TNFRSF10A: variants seen among roughly 807,000 people sequenced by gnomAD.
TNFRSF10A encodes the protein TNF receptor superfamily member 10a, also known as tumor necrosis factor receptor superfamily member 10A.
Under a neutral mutation model 42.8 loss-of-function variants are expected in TNFRSF10A, and 44 were observed. The ratio of observed to expected loss-of-function variants is 1.03; its 90% confidence interval spans 0.81 to 1.32. The LOEUF (loss-of-function observed/expected upper bound fraction) is 1.32, where lower values mean the gene tolerates loss of function less well. Among genes scored for constraint, TNFRSF10A ranks in the 40% most tolerant of loss-of-function variants. The pLI, the probability that TNFRSF10A is intolerant of heterozygous loss-of-function variation, is 0.00. For synonymous variants in TNFRSF10A, 259 were observed against 234.2 expected (o/e 1.11, Z -0.97); for missense variants, 680 against 602.0 (o/e 1.13, Z -1.36).
In TNFRSF10A at chr8:23,212,199, G is replaced by A; in HGVS notation, c.320C>T (p.Ser107Leu). 6.2e-7 allele frequency: 1 copy of A among 1,613,502 alleles called. No homozygotes were observed. The highest frequency in any genetic ancestry group is 1.3e-5 in the African/African-American group (1 of 75,020). The change falls in exon 2 of 10, where the codon TCA (serine) becomes TTA (leucine). Residue 107 changes from serine (S) to leucine (L), a missense_variant. Coordinates refer to ENST00000221132, the MANE Select transcript of TNFRSF10A (RefSeq NM_003844.4). ...ATCATGAAGTTTGATGGTTGCAGCT[G>A]AGCTAGGTACGACCTGTGGGGACAA... ...VGVLLQVVPS[S>L]AATIKLHDQS... is the part of the protein sequence containing the mutation.
intron 1 of TNFRSF10A, among the ~76,000 whole-genome samples, chr8:23,217,868 C>A (rs566022414): frequency 6.6e-6 from 1 of 152,320 alleles, no homozygotes; most frequent in Admixed American, 6.5e-5. Context: ...CCATCAATAA[C>A]CCGAGTCACG....
intron 9 of TNFRSF10A, among the ~76,000 whole-genome samples, chr8:23,196,515 C>T (rs140448807): frequency 2.0e-5 from 3 of 152,010 alleles, no homozygotes; most frequent in African/African-American, 7.3e-5. Flanking sequence ...ACATTTTATC[C>T]CTACTATATA....
chr8:23,193,694 A>G (rs1800784504), intron 9 of TNFRSF10A, among the ~76,000 whole-genome samples: 2 of 152,152 alleles, frequency 1.3e-5, no homozygotes, highest in African/African-American at 4.8e-5. Flanking sequence ...AACCTAACCA[A>G]TGGAGAGAGG....
chr8:23,196,286 C>T (rs541144228), intron 9 of TNFRSF10A, among the ~76,000 whole-genome samples: 45 of 152,204 alleles, frequency 3.0e-4, no homozygotes, highest in South Asian at 2.1e-3. Flanking sequence ...CTCTGCCTCC[C>T]GGGTTCATGC....
intron 9 of TNFRSF10A, among the ~76,000 whole-genome samples, chr8:23,194,642 C>G (rs1370502521): frequency 1.3e-5 from 2 of 152,092 alleles, no homozygotes; most frequent in African/African-American, 2.4e-5. Flanking sequence ...CTTAGGTGAG[C>G]ACCTGATGTT....
intron 1 of TNFRSF10A, among the ~76,000 whole-genome samples, chr8:23,222,972 G>C (rs1463339485): frequency 1.3e-5 from 2 of 152,204 alleles, no homozygotes; most frequent in Admixed American, 6.5e-5. Context: ...GGCCTCACCA[G>C]AGGCAGATGC....
intron 7 of TNFRSF10A, 129 bp from the exon 8 acceptor site, chr8:23,199,577 C>T: frequency 1.7e-6 from 2 of 1,155,730 alleles, no homozygotes; most frequent in Non-Finnish European, 2.4e-6. Flanking sequence ...ATGCTCAGCA[C>T]ATCCAGGACC....
rs1266267888 is a variant in TNFRSF10A at position 23,191,792 on chromosome 8, C to G, written c.1309G>C (p.Glu437Gln). ...TLLDALERME[E>Q]RHAREKIQDL... ...TGAATCTTCTCTCTTGCATGTCTCT[C>G]TTCCATCCTCTCCAAGGCATCCAGC... The change falls in exon 10 of 10, where the codon GAG (glutamate) becomes CAG (glutamine). Residue 437 changes from glutamate (E) to glutamine (Q), a missense_variant. Physicochemically the swap from Glu to Gln is conservative, Grantham distance 29. Transcript: ENST00000221132. 6.2e-7 allele frequency: 1 copy of G among 1,614,040 alleles called. No homozygotes were observed. The highest frequency in any genetic ancestry group is 8.5e-7 in the Non-Finnish European group (1 of 1,180,032).
intron 2 of TNFRSF10A, among the ~76,000 whole-genome samples, chr8:23,206,562 G>T (rs1156893649): frequency 6.6e-6 from 1 of 152,168 alleles, no homozygotes; most frequent in African/African-American, 2.4e-5. Context: ...CATAGCCTAG[G>T]GATGCAGTAG....
chr8:23,212,993 T>C (rs1801110662), intron 1 of TNFRSF10A, among the ~76,000 whole-genome samples: 1 of 152,238 alleles, frequency 6.6e-6, no homozygotes, highest in Admixed American at 6.5e-5. Context: ...CTTTAAATGT[T>C]TGGTAGACGT....
At chr8:23,202,581 T>A in intron 3 of TNFRSF10A, 67 bp downstream of exon 3, 1 of 1,311,102 alleles carries the variant, frequency 7.6e-7, no homozygotes, top group Non-Finnish European at 1.1e-6. Context: ...CTGACTCACA[T>A]TGGCTACCAC....
chr8:23,192,140 T>C (rs1295706481), intron 9 of TNFRSF10A, 127 bp from the exon 10 acceptor site: 2 of 1,451,908 alleles, frequency 1.4e-6, no homozygotes, highest in Non-Finnish European at 1.8e-6. Flanking sequence ...GGCAAACCTG[T>C]TGCTCCATTG....
Position 23,191,634 on chromosome 8 carries a change from A to C in TNFRSF10A, c.*60T>G, listed in dbSNP as rs900505323. On this transcript the variant is annotated 3_prime_UTR_variant, in exon 10 of 10. Coordinates refer to ENST00000221132, the MANE Select transcript of TNFRSF10A (RefSeq NM_003844.4). ...CTTTGTATACATGTTAAAAAAAAAAAAAACCTAATATGTATTAACTCCTAA... is the reference window on the plus strand; with the variant it reads ...CTTTGTATACATGTTAAAAAAAAAACAAACCTAATATGTATTAACTCCTAA... 5 of 1,476,290 alleles carry C rather than the reference A, an allele frequency of 3.4e-6. No individual in the cohort carries two copies. Among genetic ancestry groups the C allele is most frequent in the Non-Finnish European group, 4.5e-6 (5 of 1,120,752 alleles). The allele number at this position is 1,476,290 out of a possible 1,614,324, so 91.4% of individuals were successfully genotyped here.
chr8:23,201,980 T>C, intron 3 of TNFRSF10A, 61 bp from the exon 4 acceptor site: 2 of 1,469,258 alleles, frequency 1.4e-6, no homozygotes, highest in South Asian at 1.2e-5. Flanking sequence ...TGACCTTTCC[T>C]CACCACCCCA....
intron 1 of TNFRSF10A, among the ~76,000 whole-genome samples, chr8:23,217,912 T>C (rs1298162583): frequency 1.3e-5 from 2 of 152,174 alleles, no homozygotes; most frequent in Non-Finnish European, 2.9e-5. Flanking sequence ...CAAATGCCAC[T>C]GGTGGCAGGG....
At position 23,191,737 on chromosome 8, in the gene TNFRSF10A, A is replaced by C. The variant is rs745551949; in HGVS notation, c.1364T>G (p.Ile455Ser). Reference sequence around the variant, plus strand: ...AGAGCCTGTGCCATCTTCTAAGTAGATGAACTTTCCAGAGTCCACCAAGAG... The same window carrying C: ...AGAGCCTGTGCCATCTTCTAAGTAGCTGAACTTTCCAGAGTCCACCAAGAG... ...QDLLVDSGKF[I>S]YLEDGTGSAV... Residue 455 changes from isoleucine (I) to serine (S), a missense_variant, in exon 10 of 10, where the codon ATC (isoleucine) becomes AGC (serine). By Grantham distance (142) the Ile-to-Ser change is moderately radical. Transcript: ENST00000221132. The C allele has an allele frequency of 1.9e-6, 3 of 1,614,150 alleles. No homozygotes were observed. The highest frequency in any genetic ancestry group is 1.6e-4 in the Middle Eastern group (1 of 6,062).
chr8:23,202,177 C>T (rs1034168886), intron 3 of TNFRSF10A, among the ~76,000 whole-genome samples: 2 of 152,076 alleles, frequency 1.3e-5, no homozygotes, highest in African/African-American at 4.8e-5. Flanking sequence ...CCATTTAGAT[C>T]GCATGGTCAG....
chr8:23,195,023 G>A (rs1800802773), intron 9 of TNFRSF10A, among the ~76,000 whole-genome samples: 1 of 152,168 alleles, frequency 6.6e-6, no homozygotes, highest in Non-Finnish European at 1.5e-5. Flanking sequence ...CCCAGATGTG[G>A]TGGTGCACAC....
At chr8:23,213,452 T>C (rs1801120238) in intron 1 of TNFRSF10A, among the ~76,000 whole-genome samples, 2 of 119,860 alleles carry the variant, frequency 1.7e-5, no homozygotes, top group African/African-American at 6.0e-5. Context: ...TTTTTTTTTT[T>C]TTTTTTTTTT....
Sources: gnomAD v4.1 joint callset for allele counts (sites outside exome capture counted in the v4.1 genomes callset) on GRCh38, gnomAD v4.1.1 for gene constraint, MANE v1.5 for transcripts, NCBI Gene and HGNC (gene_info 2026-07-23, HGNC 2026-07-21) for gene names.